The following UXS1 variants were observed in gnomAD, a reference collection of about 807,000 sequenced individuals.
The protein encoded by UXS1 is UDP-glucuronate decarboxylase 1.
A neutral mutation model predicts 62.6 loss-of-function variants in UXS1; 33 were observed. That is an observed-to-expected ratio of 0.53 (90% CI 0.40 to 0.70). UXS1 has a LOEUF of 0.70. UXS1 is among the 30% of genes least tolerant of loss of function. The pLI, the probability that UXS1 is intolerant of heterozygous loss-of-function variation, is 0.00. For missense variants in UXS1, 434 were observed against 556.3 expected (o/e 0.78, Z 2.21); for synonymous variants, 213 against 206.8 (o/e 1.03, Z -0.26).
Position 106,094,212 on chromosome 2 carries a change from C to CGCAGGAAGAAGTGCCACCTT in UXS1, c.1147-56_1147-55insAAGGTGGCACTTCTTCCTGC, listed in dbSNP as rs1558665546. The CGCAGGAAGAAGTGCCACCTT allele has an allele frequency of 2.2e-5, 26 of 1,186,250 alleles. No individual in the cohort carries two copies. In the Admixed American group the frequency reaches 4.4e-4, roughly 20 times the overall value. 73.5% of individuals were successfully genotyped at this position (1,186,250 alleles called of 1,614,324 possible). ...CAAGGTCACATTGACAGAAGGGCAT[C>CGCAGGAAGAAGTGCCACCTT]GCAGGAAGGAAGTGCCACCTTGCAG... On this transcript the variant is annotated intron_variant, in intron 14 of 14. Coordinates refer to ENST00000283148, the MANE Select transcript of UXS1 (RefSeq NM_001253875.2).
intron 4 of UXS1, among the ~76,000 whole-genome samples, chr2:106,161,674 G>A (rs1682903489): frequency 6.6e-6 from 1 of 152,166 alleles, no homozygotes; most frequent in Admixed American, 6.5e-5. Flanking sequence ...TGTTTAGCCA[G>A]TAAGCAGTAT....
intron 6 of UXS1, among the ~76,000 whole-genome samples, chr2:106,136,983 A>AG (rs1397015323): frequency 6.1e-5 from 9 of 148,202 alleles, no homozygotes; most frequent in Middle Eastern, 3.2e-3. Flanking sequence ...AAAAAAAAAA[A>AG]AAAGAAAGCC....
intron 5 of UXS1, among the ~76,000 whole-genome samples, chr2:106,148,279 A>T (rs780606359): frequency 6.6e-6 from 1 of 152,224 alleles, no homozygotes; most frequent in Non-Finnish European, 1.5e-5. Context: ...TCACCACTAG[A>T]GCTTAACTCA....
chr2:106,105,204 T>C (rs1573405582), intron 10 of UXS1, among the ~76,000 whole-genome samples: 1 of 152,158 alleles, frequency 6.6e-6, no homozygotes, highest in Admixed American at 6.5e-5. Context: ...CATTAATACA[T>C]GCATTTAACT....
chr2:106,163,113 C>G (rs1167172213), intron 4 of UXS1, among the ~76,000 whole-genome samples: 1 of 152,188 alleles, frequency 6.6e-6, no homozygotes, highest in Non-Finnish European at 1.5e-5. Flanking sequence ...GAGAGAGAAC[C>G]TGAGGGCAAT....
At chr2:106,152,451 GAAAGA>G (rs1249406208) in intron 5 of UXS1, among the ~76,000 whole-genome samples, 1 of 92,804 alleles carries the variant, frequency 1.1e-5, no homozygotes, top group African/African-American at 4.3e-5. Context: ...GGAAAGAAAA[GAAAGA>G]AAAGAAAGAA....
intron 1 of UXS1, among the ~76,000 whole-genome samples, chr2:106,174,421 C>T (rs1683749113): frequency 6.6e-6 from 1 of 152,188 alleles, no homozygotes; most frequent in South Asian, 2.1e-4. Flanking sequence ...GCCCACCGGT[C>T]CTGAGGGTGA....
chr2:106,119,027 C>G (rs1679302262), intron 9 of UXS1, among the ~76,000 whole-genome samples: 1 of 152,184 alleles, frequency 6.6e-6, no homozygotes, highest in Admixed American at 6.5e-5. Flanking sequence ...TAGCATAAAT[C>G]CTAACACACA....
chr2:106,128,270 A>G (rs930672524), intron 7 of UXS1, among the ~76,000 whole-genome samples: 1 of 152,188 alleles, frequency 6.6e-6, no homozygotes, highest in African/African-American at 2.4e-5. Flanking sequence ...TGACCAGAGC[A>G]GGAGACGGTA....
chr2:106,103,728 A>G (rs2104849297), intron 11 of UXS1, among the ~76,000 whole-genome samples: 1 of 152,186 alleles, frequency 6.6e-6, no homozygotes, highest in East Asian at 1.9e-4. Context: ...ATGGGTGGGG[A>G]GGAAAAAACT....
Position 106,194,136 on chromosome 2 carries a change from G to A in UXS1, c.94+12C>T. 6.8e-7 allele frequency: 1 copy of A among 1,470,332 alleles called. No individual in the cohort carries two copies. Among genetic ancestry groups the A allele is most frequent in the South Asian group, 1.3e-5 (1 of 78,632 alleles). 91.1% of individuals were successfully genotyped at this position (1,470,332 alleles called of 1,614,324 possible). ...AATGGGGCTCCCCAGCTGGCAGCGG[G>A]CGCGCACTCACAGGCGACGTAGGCC... On this transcript the variant is annotated intron_variant, in intron 1 of 14. Transcript: ENST00000283148.
intron 6 of UXS1, among the ~76,000 whole-genome samples, chr2:106,131,199 G>A (rs1426071762): frequency 2.0e-5 from 3 of 150,424 alleles, no homozygotes; most frequent in African/African-American, 7.3e-5. Flanking sequence ...TTTTCAGACC[G>A]GCTTAAAAAA....
chr2:106,104,724 T>C (rs1677903933), intron 11 of UXS1, 70 bp downstream of exon 11: 1 of 1,581,082 alleles, frequency 6.3e-7, no homozygotes, highest in African/African-American at 1.3e-5. Flanking sequence ...GACACTGAAC[T>C]GTCTGTCAAG....
At chr2:106,169,604 G>A (rs929220457) in intron 1 of UXS1, among the ~76,000 whole-genome samples, 8 of 152,136 alleles carry the variant, frequency 5.3e-5, no homozygotes, top group Non-Finnish European at 1.0e-4. Flanking sequence ...CAGAAAGATC[G>A]CTTGAGCCCA....
rs150288761 is a variant in UXS1 at position 106,157,963 on chromosome 2, T to C, written c.291+95A>G. 700 of 1,113,892 alleles carry C rather than the reference T, an allele frequency of 6.3e-4. 2 individuals are homozygous for C. The African/African-American group carries it at 9.4e-3, about 15-fold the overall frequency. The allele number at this position is 1,113,892 out of a possible 1,614,324, so 69.0% of individuals were successfully genotyped here. On this transcript the variant is annotated intron_variant, in intron 5 of 14. Coordinates refer to ENST00000283148, the MANE Select transcript of UXS1 (RefSeq NM_001253875.2). ...TACTATAAGCCACTGAATCGTATCT[T>C]TGAGAAGCGTGAATTCTATGATATG... is the stretch of plus-strand genomic sequence containing the variant.
intron 3 of UXS1, 140 bp downstream of exon 3, chr2:106,164,596 A>G: frequency 3.3e-6 from 2 of 605,586 alleles, no homozygotes; most frequent in Admixed American, 3.6e-5. Context: ...CTCTTAAATA[A>G]GGGAGTAATT....
chr2:106,122,956 C>A lies in UXS1; in HGVS notation c.759+14G>T, dbSNP rs369007917. ...AGCACGCCTAAACCGCAAGCCTAGACCCTGGTGAAATACCTGCTTCATGTA... is the reference window on the plus strand; with the variant it reads ...AGCACGCCTAAACCGCAAGCCTAGAACCTGGTGAAATACCTGCTTCATGTA... On this transcript the variant is annotated intron_variant, in intron 9 of 14. Transcript: ENST00000283148. 4.3e-6 allele frequency: 7 copies of A among 1,613,214 alleles called. No individual in the cohort carries two copies. In the African/African-American group the frequency reaches 9.3e-5, roughly 22 times the overall value.
chr2:106,099,081 A>G (rs1677371097), intron 12 of UXS1, among the ~76,000 whole-genome samples: 1 of 152,190 alleles, frequency 6.6e-6, no homozygotes, highest in South Asian at 2.1e-4. Flanking sequence ...CATATCTAAC[A>G]TAACTTCAAT....
chr2:106,191,239 G>GA (rs1684914004), intron 1 of UXS1, among the ~76,000 whole-genome samples: 1 of 152,178 alleles, frequency 6.6e-6, no homozygotes, highest in Non-Finnish European at 1.5e-5. Context: ...TTCTGTTCCC[G>GA]AAACAGGGAG....
Sources: gnomAD v4.1 joint callset for allele counts (sites outside exome capture counted in the v4.1 genomes callset) on GRCh38, gnomAD v4.1.1 for gene constraint, MANE v1.5 for transcripts, NCBI Gene and HGNC (gene_info 2026-07-23, HGNC 2026-07-21) for gene names.